The following MIA3 variants were observed in gnomAD, a reference collection of about 807,000 sequenced individuals.
The protein encoded by MIA3 is MIA SH3 domain ER export factor 3.
A neutral mutation model predicts 192.4 loss-of-function variants in MIA3; 90 were observed. The ratio of observed to expected loss-of-function variants is 0.47; its 90% CI spans 0.39 to 0.56. The LOEUF is 0.56. Ranked by LOEUF, MIA3 falls within the 20% of genes least tolerant of loss-of-function variation. The pLI is 0.00. For synonymous variants in MIA3, 740 were observed against 792.8 expected (o/e 0.93, Z 1.12); for missense variants, 2,123 against 2,269.4 (o/e 0.94, Z 1.31).
rs1460239542 is a variant in MIA3, at chr1:222,629,604, C to T, written c.2384C>T (p.Ala795Val). 1.2e-6 allele frequency: 2 copies of T among 1,613,910 alleles called. No homozygotes were observed. The highest frequency in any genetic ancestry group is 1.1e-5 in the South Asian group (1 of 91,074). The part of the protein sequence containing the change: ...ILDSEKTSET[A>V]AKGVNTGGRE... ...GATAGCGAAAAAACAAGTGAGACTG[C>T]TGCCAAAGGGGTCAACACAGGAGGC... Residue 795 changes from alanine to valine, a missense_variant, in exon 4 of 28, where the codon GCT becomes GTT. Ala to Val is a moderately conservative substitution (Grantham distance 64, BLOSUM62 0). Around this residue, in one of 3 missense-constraint regions of MIA3, gnomAD observed 1,357 missense variants for 1,396.1 expected, o/e 0.97. Coordinates refer to ENST00000344922, the MANE Select transcript of MIA3 (RefSeq NM_198551.4).
At position 222,665,647 on chromosome 1, in the gene MIA3, A is replaced by G. The variant is rs2124939328; in HGVS notation, c.*28A>G. The G allele has an allele frequency of 3.3e-6, 5 of 1,525,420 alleles. No homozygotes were observed. Among genetic ancestry groups the G allele is most frequent in the Non-Finnish European group, 4.4e-6 (5 of 1,133,998 alleles). The allele number at this position is 1,525,420 out of a possible 1,614,324, so 94.5% of individuals were successfully genotyped here. On this transcript the variant is annotated 3_prime_UTR_variant, in exon 28 of 28. Transcript: ENST00000344922. ...CTATGACCTCTGAGGTTTCATTGGA[A>G]AGAAAGTGTACTGTGCATTATCCAT... is the stretch of plus-strand genomic sequence containing the variant.
intron 4 of MIA3, 55 bp from the exon 5 acceptor site, chr1:222,632,110 C>A: frequency 6.4e-7 from 1 of 1,559,768 alleles, no homozygotes. Flanking sequence ...GTGGGATTAG[C>A]CTAACAGGTA....
At chr1:222,626,057 C>A (rs1216318031) in intron 3 of MIA3, among the ~76,000 whole-genome samples, 1 of 152,114 alleles carries the variant, frequency 6.6e-6, no homozygotes, top group East Asian at 1.9e-4. Context: ...CCATGCCCAG[C>A]CCCCCATCTG....
At chr1:222,645,471 T>A in intron 6 of MIA3, 83 bp from the exon 7 acceptor site, 4 of 1,302,338 alleles carry the variant, frequency 3.1e-6, no homozygotes, top group Non-Finnish European at 4.2e-6. Flanking sequence ...GTTTAGAATT[T>A]CTGTGAATGA....
At chr1:222,643,497 G>T (rs930463259) in intron 6 of MIA3, among the ~76,000 whole-genome samples, 1 of 152,038 alleles carries the variant, frequency 6.6e-6, no homozygotes, top group Non-Finnish European at 1.5e-5. Flanking sequence ...GTTCCTCTGA[G>T]TTGACTTTAT....
chr1:222,648,218 C>T (rs1448101465), intron 7 of MIA3, among the ~76,000 whole-genome samples: 1 of 152,150 alleles, frequency 6.6e-6, no homozygotes, highest in Non-Finnish European at 1.5e-5. Context: ...CTTCTCTTCC[C>T]TGTCAGGTTT....
At chr1:222,660,369 A>G (rs547609227) in intron 24 of MIA3, 55 bp downstream of exon 24, 13 of 1,546,034 alleles carry the variant, frequency 8.4e-6, no homozygotes, top group Non-Finnish European at 9.6e-6. Context: ...TTTCCCTTTT[A>G]TTTGAGAATT....
intron 11 of MIA3, 56 bp from the exon 12 acceptor site, chr1:222,651,921 C>T: frequency 1.1e-6 from 1 of 936,542 alleles, no homozygotes; most frequent in Admixed American, 1.7e-5. Context: ...AGTATGTATC[C>T]CAGTGTTTCT....
intron 4 of MIA3, 136 bp downstream of exon 4, chr1:222,630,525 GTTCC>G: frequency 1.3e-6 from 1 of 781,342 alleles, no homozygotes; most frequent in Non-Finnish European, 1.9e-6. Flanking sequence ...AGGTCCACAT[GTTCC>G]TTCCTGCCAT....
Position 222,628,402 on chromosome 1 carries a change from T to G in MIA3, c.1182T>G (p.Gly394=), listed in dbSNP as rs771833020. 6.2e-7 allele frequency: 1 copy of G among 1,613,522 alleles called. No homozygotes were observed. The highest frequency in any genetic ancestry group is 8.5e-7 in the Non-Finnish European group (1 of 1,179,922). Residue 394 remains glycine (G), a synonymous_variant, in exon 4 of 28, where the codon GGT becomes GGG. Coordinates refer to ENST00000344922, the MANE Select transcript of MIA3 (RefSeq NM_198551.4). ...GDTIFSIVTG[G]EETRDTMDLE... ...CTATCTTCTCTATTGTCACAGGAGG[T>G]GAAGAAACAAGAGATACGATGGATT... is the stretch of plus-strand genomic sequence containing the variant.
chr1:222,650,465 AT>A, intron 9 of MIA3, 85 bp downstream of exon 9: 1 of 843,782 alleles, frequency 1.2e-6, no homozygotes. Context: ...TTACTATGGT[AT>A]TTTTAAATAG....
At chr1:222,632,400 G>A in intron 5 of MIA3, 74 bp downstream of exon 5, 4 of 1,312,122 alleles carry the variant, frequency 3.0e-6, no homozygotes, top group East Asian at 4.7e-5. Flanking sequence ...CATTGTCAAA[G>A]GCAGGAGCTA....
intron 1 of MIA3, 87 bp from the exon 2 acceptor site, chr1:222,621,072 A>G (rs1196686018): frequency 1.0e-5 from 12 of 1,154,924 alleles, no homozygotes; most frequent in Non-Finnish European, 1.4e-5. Flanking sequence ...TTATAGTGGG[A>G]TTCTTATATT....
intron 8 of MIA3, 80 bp from the exon 9 acceptor site, chr1:222,650,212 A>G (rs1332117054): frequency 7.4e-6 from 6 of 805,822 alleles, no homozygotes; most frequent in Admixed American, 6.0e-5. Flanking sequence ...GCAAGATAAC[A>G]TGTCTTTGCT....
rs200170389 is a variant in MIA3, at chr1:222,659,630, C to T, written c.4779C>T (p.Thr1593=). 4 of 1,613,892 alleles carry T rather than the reference C, an allele frequency of 2.5e-6. No homozygotes were observed. The East Asian group carries it at 6.7e-5, about 27-fold the overall frequency. The change falls in exon 21 of 28, where the codon ACC becomes ACT. Residue 1593 remains threonine, a synonymous_variant. Coordinates refer to ENST00000344922, the MANE Select transcript of MIA3 (RefSeq NM_198551.4). ...TGTATTATCTTTTTCAGATCGCTACCCATGAGAAGAAAGCTCATGAAAACT... is the reference window on the plus strand; with the variant it reads ...TGTATTATCTTTTTCAGATCGCTACTCATGAGAAGAAAGCTCATGAAAACT... ...TERSFKNQIA[T]HEKKAHENWL...
chr1:222,655,663 G>A (rs1021361314), intron 18 of MIA3, among the ~76,000 whole-genome samples: 1 of 152,162 alleles, frequency 6.6e-6, no homozygotes, highest in Non-Finnish European at 1.5e-5. Context: ...GTTCAGGCCA[G>A]CTCTAAATAA....
intron 6 of MIA3, chr1:222,641,706 G>A (rs79980722): frequency 4.5e-5 from 25 of 553,488 alleles, no homozygotes; most frequent in Middle Eastern, 3.2e-4. Flanking sequence ...CATTGTTCTC[G>A]CTCAGCATGT....
At chr1:222,637,276 A>G (rs532354514) in intron 6 of MIA3, among the ~76,000 whole-genome samples, 54 of 152,146 alleles carry the variant, frequency 3.5e-4, no homozygotes, top group Non-Finnish European at 6.8e-4. Flanking sequence ...CTGGGAATTG[A>G]TAGTTGCATC....
At chr1:222,639,987 CTAGTT>C (rs1168151236) in intron 6 of MIA3, among the ~76,000 whole-genome samples, 3 of 151,952 alleles carry the variant, frequency 2.0e-5, no homozygotes, top group East Asian at 1.9e-4. Context: ...AGAAAAAAAT[CTAGTT>C]TAGTAAGGTT....
Sources: allele counts gnomAD v4.1 joint callset (sites outside exome capture counted in the v4.1 genomes callset), GRCh38; gene constraint gnomAD v4.1.1; regional missense constraint gnomAD v4.1.1; transcripts MANE v1.5; gene names NCBI Gene and HGNC (gene_info 2026-07-23, HGNC 2026-07-21).